Variants in STRA8 observed in about 807,000 individuals in gnomAD.
STRA8 encodes the protein stimulated by retinoic acid 8.
In STRA8, 18 loss-of-function variants were observed where a neutral mutation model predicts 37.1. The observed-to-expected ratio is 0.48, with a 90% CI of 0.34 to 0.72. The LOEUF (loss-of-function observed/expected upper bound fraction) is 0.72, where lower values mean the gene tolerates loss of function less well. Among genes scored for constraint, STRA8 ranks in the 30% least tolerant of loss-of-function variants. The probability of loss-of-function intolerance (pLI) is 0.01; values close to 1 mark genes in which losing one functional copy is unlikely to be tolerated. For missense variants in STRA8, 357 were observed against 410.4 expected (o/e 0.87, Z 1.13); for synonymous variants, 168 against 162.9 (o/e 1.03, Z -0.24).
At position 135,240,522 on chromosome 7, in the gene STRA8, A is replaced by T. The variant is rs763501090; in HGVS notation, c.-3A>T. The stretch of plus-strand genomic sequence containing the variant: ...AAAGCATACTATTACATTACAGCTT[A>T]TAATGGCAACCCCTGAAGAAAACAG... On this transcript the variant is annotated 5_prime_UTR_variant, in exon 2 of 9. Transcript: ENST00000662584. 1 of 1,613,418 alleles carries T rather than the reference A, an allele frequency of 6.2e-7. No homozygotes were observed. The highest frequency in any genetic ancestry group is 2.2e-5 in the East Asian group (1 of 44,874).
intron 6 of STRA8, among the ~76,000 whole-genome samples, chr7:135,249,654 A>G (rs1832611603): frequency 6.6e-6 from 1 of 152,264 alleles, no homozygotes; most frequent in Admixed American, 6.5e-5. Context: ...TGATGTTCAC[A>G]TGACAAAGTT....
At chr7:135,252,029 T>A (rs1832644447) in intron 7 of STRA8, among the ~76,000 whole-genome samples, 160 bp downstream of exon 7, 1 of 151,406 alleles carries the variant, frequency 6.6e-6, no homozygotes, top group South Asian at 2.1e-4. Context: ...TGTGTGTGTG[T>A]GTGTGTGTGT....
intron 6 of STRA8, among the ~76,000 whole-genome samples, chr7:135,248,054 G>C (rs1455549988): frequency 1.3e-5 from 2 of 152,224 alleles, no homozygotes; most frequent in Non-Finnish European, 2.9e-5. Flanking sequence ...CCTTTGAGGA[G>C]ACGACATGCT....
At chr7:135,238,930 G>T (rs1272148569) in intron 1 of STRA8, among the ~76,000 whole-genome samples, 1 of 152,120 alleles carries the variant, frequency 6.6e-6, no homozygotes, top group African/African-American at 2.4e-5. Flanking sequence ...TGTAATTCCT[G>T]GTAACAGATG....
At chr7:135,258,324 G>A (rs1000479062) in intron 8 of STRA8, 94 bp from the exon 9 acceptor site, 1 of 1,011,028 alleles carries the variant, frequency 9.9e-7, no homozygotes, top group Non-Finnish European at 1.5e-6. Context: ...GAGTCTGGGG[G>A]CTGGGCACAC....
intron 2 of STRA8, among the ~76,000 whole-genome samples, chr7:135,241,785 T>C (rs1317649919): frequency 6.6e-6 from 1 of 152,114 alleles, no homozygotes; most frequent in African/African-American, 2.4e-5. Context: ...CTGTCAGAGG[T>C]CAGCACCCTG....
intron 2 of STRA8, among the ~76,000 whole-genome samples, chr7:135,242,124 T>TGGAAGGGA (rs1335854039): frequency 1.4e-5 from 1 of 70,780 alleles, no homozygotes; most frequent in African/African-American, 5.7e-5. Context: ...AAAAGGAAGT[T>TGGAAGGGA]GGAAGGGAGG....
Position 135,245,434 on chromosome 7 carries a change from A to T in STRA8, c.500A>T (p.Glu167Val). 1 of 764,168 alleles carries T rather than the reference A, an allele frequency of 1.3e-6. No homozygotes were observed. Among genetic ancestry groups the T allele is most frequent in the Non-Finnish European group, 2.4e-6 (1 of 411,300 alleles). 47.3% of individuals were successfully genotyped at this position (764,168 alleles called of 1,614,324 possible). ...EEEEEEEEEE[E>V]EEEEEEEEEE... is the part of the protein sequence containing the mutation. ...GAAGAAGAAGAGGAGGAGGAGGAAG[A>T]GGAGGAAGAGGAAGAGGAGGAGGAG... is the stretch of plus-strand genomic sequence containing the variant. The change falls in exon 5 of 9, where the codon GAG (glutamate) becomes GTG (valine). Residue 167 changes from glutamate (E) to valine (V), a missense_variant. Coordinates refer to ENST00000662584, the MANE Select transcript of STRA8 (RefSeq NM_001394401.1).
In STRA8 at chr7:135,235,392, G is replaced by C. The variant is rs550726134; in HGVS notation, c.-7+1489G>C. Among the ~76,000 whole-genome samples, 248 of 97,610 alleles carry C rather than the reference G, an allele frequency of 2.5e-3. 1 individual carries two copies. The highest frequency in any genetic ancestry group is 6.2e-3 in the African/African-American group (222 of 36,078). The allele number at this position is 97,610 out of a possible 152,430, so 64.0% of individuals were successfully genotyped here. ...CATACCCCACTTCTATTGGTTATGA[G>C]TGGCTTTTTTTTTTTTATTGCTCCA... is the stretch of plus-strand genomic sequence containing the variant. On this transcript the variant is annotated intron_variant, in intron 1 of 8. Transcript: ENST00000662584.
At position 135,258,542 on chromosome 7, in the gene STRA8, C is replaced by T. The variant is rs1832735456; in HGVS notation, c.*50C>T. The T allele has an allele frequency of 6.6e-7, 1 of 1,505,366 alleles. No homozygotes were observed. Among genetic ancestry groups the T allele is most frequent in the East Asian group, 2.4e-5 (1 of 41,332 alleles). 93.3% of individuals were successfully genotyped at this position (1,505,366 alleles called of 1,614,324 possible). A position where few individuals can be genotyped will look rare whatever the true frequency, so the allele number is the denominator to read the frequency against. On this transcript the variant is annotated 3_prime_UTR_variant, in exon 9 of 9. Coordinates refer to ENST00000662584, the MANE Select transcript of STRA8 (RefSeq NM_001394401.1). ...GGGACTGAATGAGGTGGGCAGTTCCCAAGGTTGAATGCTGGCAGCTAAGGT... is the reference window on the plus strand; with the variant it reads ...GGGACTGAATGAGGTGGGCAGTTCCTAAGGTTGAATGCTGGCAGCTAAGGT...
At chr7:135,238,998 C>G (rs1371620156) in intron 1 of STRA8, among the ~76,000 whole-genome samples, 1 of 152,222 alleles carries the variant, frequency 6.6e-6, no homozygotes, top group Non-Finnish European at 1.5e-5. Context: ...TCCCATCTTC[C>G]TGCCCTGTTC....
chr7:135,242,227 GGAGGGAGGGAGA>G (rs1285172386), intron 2 of STRA8, among the ~76,000 whole-genome samples: 13 of 127,496 alleles, frequency 1.0e-4, no homozygotes, highest in African/African-American at 3.5e-4. Context: ...AGAAGGGAGG[GGAGGGAGGGAGA>G]GAGGGAGGGA....
intron 6 of STRA8, 22 bp from the exon 7 acceptor site, chr7:135,251,774 G>A: frequency 5.0e-6 from 8 of 1,612,072 alleles, no homozygotes; most frequent in Non-Finnish European, 6.8e-6. Flanking sequence ...TCCAACACAT[G>A]AAGTGTTGTG....
intron 4 of STRA8, among the ~76,000 whole-genome samples, chr7:135,244,063 T>C (rs761878532): frequency 5.3e-5 from 8 of 152,190 alleles, no homozygotes; most frequent in Non-Finnish European, 1.0e-4. Flanking sequence ...TTGGTTTGGT[T>C]TGGTTTGTTT....
At chr7:135,242,299 TAA>T (rs1317811892) in intron 2 of STRA8, among the ~76,000 whole-genome samples, 1 of 152,104 alleles carries the variant, frequency 6.6e-6, no homozygotes, top group Non-Finnish European at 1.5e-5. Flanking sequence ...CAGCATTTGA[TAA>T]GTTTTTAGAT....
chr7:135,252,937 A>C (rs543755310), intron 7 of STRA8, among the ~76,000 whole-genome samples: 2 of 151,668 alleles, frequency 1.3e-5, no homozygotes, highest in Non-Finnish European at 2.9e-5. Context: ...TCTTTAAAAA[A>C]ATTTTTTTTT....
rs777932586 is a variant in STRA8, at chr7:135,240,586, A to C, written c.62A>C (p.Gln21Pro). The C allele has an allele frequency of 6.2e-7, 1 of 1,614,114 alleles. No homozygotes were observed. Among genetic ancestry groups the C allele is most frequent in the South Asian group, 1.1e-5 (1 of 91,074 alleles). Residue 21 changes from glutamine (Q) to proline (P), a missense_variant, in exon 2 of 9, where the codon CAG becomes CCG. Coordinates refer to ENST00000662584, the MANE Select transcript of STRA8 (RefSeq NM_001394401.1). ...HDRATPQLPA[Q>P]LQELEHRVAR... ...AGAGCAACACCCCAGCTGCCAGCAC[A>C]GCTGCAGGAGCTTGAGCATCGGGTG...
chr7:135,250,239 C>T (rs1832618148), intron 6 of STRA8, among the ~76,000 whole-genome samples: 1 of 152,162 alleles, frequency 6.6e-6, no homozygotes, highest in African/African-American at 2.4e-5. Flanking sequence ...TCTGGGGTCC[C>T]CTCTCAGGCT....
intron 6 of STRA8, among the ~76,000 whole-genome samples, chr7:135,249,140 C>T (rs1832604857): frequency 6.6e-6 from 1 of 152,130 alleles, no homozygotes; most frequent in South Asian, 2.1e-4. Context: ...ACCACCTATA[C>T]AATGGTGGTC....
Sources: gnomAD v4.1 joint callset for allele counts (sites outside exome capture counted in the v4.1 genomes callset) on GRCh38, gnomAD v4.1.1 for gene constraint, MANE v1.5 for transcripts, NCBI Gene and HGNC (gene_info 2026-07-23, HGNC 2026-07-21) for gene names.